Variants in C14orf39 observed in about 807,000 individuals in gnomAD.
The protein encoded by C14orf39 is protein SIX6OS1.
C14orf39 carries 66 observed loss-of-function variants against 85.6 expected under a neutral mutation model. The observed-to-expected ratio is 0.77, with a 90% confidence interval of 0.63 to 0.95. The LOEUF (loss-of-function observed/expected upper bound fraction) is 0.95, where lower values mean the gene tolerates loss of function less well. C14orf39 is among the 40% of genes least tolerant of loss of function. The pLI is 0.00. For synonymous variants in C14orf39, 242 were observed against 214.0 expected (o/e 1.13, Z -1.14); for missense variants, 735 against 663.9 (o/e 1.11, Z -1.18).
intron 9 of C14orf39, among the ~76,000 whole-genome samples, chr14:60,467,688 A>C (rs917655808): frequency 5.9e-5 from 9 of 151,808 alleles, no homozygotes; most frequent in Non-Finnish European, 1.0e-4. Flanking sequence ...TTAAAGACAC[A>C]CTTGCACTGA....
chr14:60,473,786 T>C (rs1038934270), intron 5 of C14orf39, among the ~76,000 whole-genome samples: 1 of 152,220 alleles, frequency 6.6e-6, no homozygotes, highest in African/African-American at 2.4e-5. Context: ...ACCAGTACCA[T>C]GTTGTTTTGG....
At chr14:60,478,256 A>G (rs1437178897) in intron 5 of C14orf39, 44 bp downstream of exon 5, 1 of 953,770 alleles carries the variant, frequency 1.0e-6, no homozygotes. Flanking sequence ...ATGTCCTAAT[A>G]ATACAAACTT....
intron 9 of C14orf39, 49 bp downstream of exon 9, chr14:60,468,396 A>C (rs779767523): frequency 8.5e-7 from 1 of 1,181,960 alleles, no homozygotes; most frequent in Non-Finnish European, 1.2e-6. Flanking sequence ...AAACTTTTAG[A>C]TGCAAAATAT....
At chr14:60,510,646 G>T (rs1410166588) in intron 1 of C14orf39, among the ~76,000 whole-genome samples, 1 of 152,166 alleles carries the variant, frequency 6.6e-6, no homozygotes, top group African/African-American at 2.4e-5. Flanking sequence ...GGGCCGACCC[G>T]ATCCAACGCG....
chr14:60,497,673 C>T (rs985839705), intron 2 of C14orf39, among the ~76,000 whole-genome samples: 17 of 152,008 alleles, frequency 1.1e-4, no homozygotes, highest in Admixed American at 2.6e-4. Flanking sequence ...GTCAGGAGTT[C>T]GAAACTAGCC....
chr14:60,445,722 T>A (rs1019771538), intron 16 of C14orf39, among the ~76,000 whole-genome samples: 29 of 152,208 alleles, frequency 1.9e-4, no homozygotes, highest in Admixed American at 4.6e-4. Flanking sequence ...CTAATAGACA[T>A]CTACAGTACT....
chr14:60,452,062 C>T (rs1335246569), intron 16 of C14orf39, among the ~76,000 whole-genome samples: 1 of 150,552 alleles, frequency 6.6e-6, no homozygotes, highest in African/African-American at 2.4e-5. Context: ...TGGCACACGC[C>T]TATAGTCCCA....
chr14:60,463,671 T>G (rs1891644417), intron 11 of C14orf39, among the ~76,000 whole-genome samples: 1 of 152,174 alleles, frequency 6.6e-6, no homozygotes, highest in South Asian at 2.1e-4. Flanking sequence ...CCTCTTTATC[T>G]TGCTAGTTTT....
chr14:60,441,670 A>G (rs1890518469), intron 17 of C14orf39, among the ~76,000 whole-genome samples: 1 of 152,194 alleles, frequency 6.6e-6, no homozygotes, highest in African/African-American at 2.4e-5. Flanking sequence ...GTACATATTT[A>G]TATTAATATG....
chr14:60,501,764 A>G (rs17097554), intron 1 of C14orf39, among the ~76,000 whole-genome samples: 4,297 of 152,298 alleles, frequency 0.028, 219 homozygotes, highest in African/African-American at 0.097. Flanking sequence ...GAAAGTTTCG[A>G]GAAACCTAAG....
chr14:60,480,914 T>C (rs1240783754), intron 4 of C14orf39, among the ~76,000 whole-genome samples: 1 of 152,086 alleles, frequency 6.6e-6, no homozygotes, highest in African/African-American at 2.4e-5. Context: ...CAATCTCATA[T>C]AAACAGAGAG....
intron 16 of C14orf39, among the ~76,000 whole-genome samples, chr14:60,451,682 C>T (rs1263077538): frequency 1.3e-4 from 15 of 117,506 alleles, no homozygotes; most frequent in African/African-American, 3.4e-4. Context: ...CACCAGGGCC[C>T]GTCATGGGGT....
chr14:60,471,301 T>G (rs1049786834), intron 7 of C14orf39, 116 bp downstream of exon 7: 9 of 887,930 alleles, frequency 1.0e-5, no homozygotes, highest in Non-Finnish European at 1.5e-5. Context: ...TTTAAATATT[T>G]TAATTAAACA....
intron 5 of C14orf39, among the ~76,000 whole-genome samples, chr14:60,473,166 C>T (rs1892187990): frequency 6.6e-6 from 1 of 152,176 alleles, no homozygotes; most frequent in Non-Finnish European, 1.5e-5. Context: ...TGATGATGAG[C>T]ATTTTTTCAT....
Position 60,455,177 on chromosome 14 carries a change from AAT to A in C14orf39, c.1359-34_1359-33del, listed in dbSNP as rs760875206. On this transcript the variant is annotated intron_variant, in intron 15 of 17. Transcript: ENST00000321731. The stretch of plus-strand genomic sequence containing the variant: ...AATAAGAAATTATCAAAATGTTAAA[AAT>A]CTATTATTAAACACTGAATACTGGT... The A allele has an allele frequency of 2.0e-6, 3 of 1,471,528 alleles. No individual in the cohort carries two copies. The African/African-American group carries it at 4.4e-5, about 22-fold the overall frequency. The allele number at this position is 1,471,528 out of a possible 1,614,324, so 91.2% of individuals were successfully genotyped here.
rs1264096732 is a variant in C14orf39 at position 60,509,515 on chromosome 14, G to A, written c.-144+5880C>T. 4 of 1,606,288 alleles carry A rather than the reference G, an allele frequency of 2.5e-6. No homozygotes were observed. Among genetic ancestry groups the A allele is most frequent in the Non-Finnish European group, 3.4e-6 (4 of 1,179,978 alleles). On this transcript the variant is annotated intron_variant, in intron 1 of 5. Coordinates refer to the C14orf39 transcript ENST00000556799. ...GTCGCTTCCTCTGGTCGCTGCCCGT[G>A]GCCCCTGCGGCCTGCGAGGCCCTCA... is the stretch of plus-strand genomic sequence containing the variant.
chr14:60,473,818 GT>G (rs1014029870), intron 5 of C14orf39, among the ~76,000 whole-genome samples: 2 of 152,132 alleles, frequency 1.3e-5, no homozygotes, highest in Non-Finnish European at 2.9e-5. Flanking sequence ...TTGTAGTATA[GT>G]TTGAAGTCAG....
intron 11 of C14orf39, among the ~76,000 whole-genome samples, chr14:60,462,785 T>A (rs994798926): frequency 2.6e-5 from 4 of 152,042 alleles, no homozygotes; most frequent in Non-Finnish European, 5.9e-5. Flanking sequence ...TTCAAGGTCT[T>A]ATTTTATTTA....
At chr14:60,471,767 A>C in intron 5 of C14orf39, 28 bp from the exon 6 acceptor site, 3 of 1,328,664 alleles carry the variant, frequency 2.3e-6, no homozygotes, top group Non-Finnish European at 2.1e-6. Context: ...AATGATGTTT[A>C]TATAACAACA....
Sources: gnomAD v4.1 joint callset for allele counts (sites outside exome capture counted in the v4.1 genomes callset) on GRCh38, gnomAD v4.1.1 for gene constraint, MANE v1.5 for transcripts, NCBI Gene and HGNC (gene_info 2026-07-23, HGNC 2026-07-21) for gene names.